ASCC3: variants seen among roughly 807,000 people sequenced by gnomAD.
The protein encoded by ASCC3 is ASC-1 complex subunit P200.
In ASCC3, 158 loss-of-function variants were observed where a neutral mutation model predicts 256.3. The ratio of observed to expected loss-of-function variants is 0.62; its 90% CI spans 0.54 to 0.70. ASCC3 has a LOEUF of 0.70. ASCC3 is among the 30% of genes least tolerant of loss of function. The pLI is 0.00. For missense variants in ASCC3, 2,259 were observed against 2,626.0 expected, an observed-to-expected ratio of 0.86 and a Z score of 3.05; for synonymous variants, 948 against 883.4, an observed-to-expected ratio of 1.07 and a Z score of -1.30.
chr6:100,868,833 C>T (rs1434771405), intron 1 of ASCC3, among the ~76,000 whole-genome samples: 1 of 152,156 alleles, frequency 6.6e-6, no homozygotes, highest in African/African-American at 2.4e-5. Flanking sequence ...GGGGGAAGAA[C>T]ATACCGGGAA....
At chr6:100,612,748 A>G (rs946420910) in intron 30 of ASCC3, among the ~76,000 whole-genome samples, 1 of 152,174 alleles carries the variant, frequency 6.6e-6, no homozygotes, top group African/African-American at 2.4e-5. Context: ...TACACTAATA[A>G]AAAAGAATTC....
In ASCC3 at chr6:100,676,928, C is replaced by T. The variant is rs567034416; in HGVS notation, c.2286+2690G>A. 2.3e-3 allele frequency among the ~76,000 whole-genome samples: 356 copies of T among 152,256 alleles called. 2 individuals are homozygous for T. Among genetic ancestry groups the T allele is most frequent in the Middle Eastern group, 3.4e-3 (1 of 294 alleles). ...CATTAAACACTTAGGGGTAAGGCAT[C>T]ACTGTGGCATGGTAGGGATTTAGCC... is the stretch of plus-strand genomic sequence containing the variant. On this transcript the variant is annotated intron_variant, in intron 14 of 41. Transcript: ENST00000369162.
At chr6:100,547,080 C>A (rs1272964730) in intron 36 of ASCC3, among the ~76,000 whole-genome samples, 1 of 151,974 alleles carries the variant, frequency 6.6e-6, no homozygotes, top group African/African-American at 2.4e-5. Flanking sequence ...CCCACATATA[C>A]AAGGGCAACT....
At position 100,508,448 on chromosome 6, in the gene ASCC3, G is replaced by A. The variant is rs1332105704; in HGVS notation, c.*938C>T. On this transcript the variant is annotated 3_prime_UTR_variant, in exon 42 of 42. Transcript: ENST00000369162. ...AAAAGTATTTTTCAAGAAGGAATTT[G>A]TTTGGACATAGAGAAATTTTCTTTA... The A allele has an allele frequency of 6.6e-6, 1 of 152,076 alleles. No individual in the cohort carries two copies. Among genetic ancestry groups the A allele is most frequent in the East Asian group, 1.9e-4 (1 of 5,190 alleles). 9.4% of individuals were successfully genotyped at this position (152,076 alleles called of 1,614,324 possible). A position where few individuals can be genotyped will look rare whatever the true frequency, so the allele number is the denominator to read the frequency against.
chr6:100,833,512 T>C (rs1369076564), intron 4 of ASCC3, among the ~76,000 whole-genome samples: 1 of 152,164 alleles, frequency 6.6e-6, no homozygotes, highest in Non-Finnish European at 1.5e-5. Context: ...TCATAACAAA[T>C]GTACTACCCT....
intron 33 of ASCC3, among the ~76,000 whole-genome samples, chr6:100,602,235 G>C (rs1330129161): frequency 1.3e-5 from 2 of 151,842 alleles, no homozygotes; most frequent in Non-Finnish European, 2.9e-5. Flanking sequence ...TTCTTTTAAA[G>C]AAGTATGTTA....
chr6:100,515,965 T>A (rs1774004274), intron 39 of ASCC3, among the ~76,000 whole-genome samples: 1 of 152,188 alleles, frequency 6.6e-6, no homozygotes, highest in Non-Finnish European at 1.5e-5. Flanking sequence ...TGTCAAGAAC[T>A]GTATAAAGCA....
chr6:100,662,189 C>T (rs540549081), intron 15 of ASCC3, among the ~76,000 whole-genome samples, 156 bp downstream of exon 15: 7 of 151,960 alleles, frequency 4.6e-5, no homozygotes, highest in African/African-American at 1.7e-4. Context: ...ACAATATAAA[C>T]TAGATTCTTA....
At chr6:100,541,904 G>A (rs1775482090) in intron 36 of ASCC3, among the ~76,000 whole-genome samples, 1 of 152,102 alleles carries the variant, frequency 6.6e-6, no homozygotes, top group Non-Finnish European at 1.5e-5. Context: ...AAATTACAAT[G>A]TCTGAGATGA....
At chr6:100,606,707 C>G in intron 32 of ASCC3, 33 bp downstream of exon 32, 1 of 1,575,794 alleles carries the variant, frequency 6.3e-7, no homozygotes, top group Non-Finnish European at 8.6e-7. Flanking sequence ...TAAAATAGAG[C>G]TTCATGTATT....
chr6:100,726,236 G>A lies in ASCC3; in HGVS notation c.1738-533C>T, dbSNP rs186429788. Among the ~76,000 whole-genome samples the A allele has an allele frequency of 1.5e-3, 233 of 151,902 alleles. 1 individual carries two copies. Among genetic ancestry groups the A allele is most frequent in the African/African-American group, 5.4e-3 (226 of 41,490 alleles). On this transcript the variant is annotated intron_variant, in intron 10 of 41. Coordinates refer to ENST00000369162, the MANE Select transcript of ASCC3 (RefSeq NM_006828.4). ...TCATTGAAAAACATGCCCATATGTT[G>A]TAAAACAAAAAGACACCATAATTCT...
At position 100,599,601 on chromosome 6, in the gene ASCC3, G is replaced by A. The variant is rs76423208; in HGVS notation, c.5303+2209C>T. Among the ~76,000 whole-genome samples the A allele has an allele frequency of 8.8e-3, 1,337 of 151,742 alleles. 47 individuals are homozygous for A. In the East Asian group the frequency reaches 0.097, roughly 11 times the overall value. On this transcript the variant is annotated intron_variant, in intron 34 of 41. Coordinates refer to ENST00000369162, the MANE Select transcript of ASCC3 (RefSeq NM_006828.4). ...AGATGTTAACATGGGGAAGCTGGGT[G>A]AAGGGTATACAGTGCTGCTTTGTAC...
intron 10 of ASCC3, among the ~76,000 whole-genome samples, chr6:100,764,217 C>G (rs934283225): frequency 1.3e-5 from 2 of 152,132 alleles, no homozygotes; most frequent in African/African-American, 4.8e-5. Flanking sequence ...GGTCCAAAAG[C>G]ACAGACTTTG....
intron 8 of ASCC3, among the ~76,000 whole-genome samples, chr6:100,788,834 C>T (rs747759727): frequency 1.3e-5 from 2 of 151,832 alleles, no homozygotes; most frequent in Non-Finnish European, 2.9e-5. Context: ...ATAAACAGAC[C>T]AGTGGTCTGC....
In ASCC3 at chr6:100,827,601, C is replaced by T. The variant is rs531721765; in HGVS notation, c.801+20547G>A. Among the ~76,000 whole-genome samples, 49 of 152,184 alleles carry T rather than the reference C, an allele frequency of 3.2e-4. 2 individuals are homozygous for T. The South Asian group carries it at 1.0e-2, about 31-fold the overall frequency. Reference sequence around the variant, plus strand: ...CTAATGAAGGATATCTCAGCTGCTTCCAAGTTTTGGCAATTAAGTCTTTTT... The same window carrying T: ...CTAATGAAGGATATCTCAGCTGCTTTCAAGTTTTGGCAATTAAGTCTTTTT... On this transcript the variant is annotated intron_variant, in intron 4 of 41. Transcript: ENST00000369162.
intron 10 of ASCC3, among the ~76,000 whole-genome samples, chr6:100,732,417 C>T (rs565370215): frequency 3.3e-5 from 5 of 152,152 alleles, no homozygotes; most frequent in African/African-American, 1.2e-4. Flanking sequence ...GAATCTAAAA[C>T]CTTATCAACA....
chr6:100,803,838 T>C (rs958446284), intron 5 of ASCC3, among the ~76,000 whole-genome samples: 2 of 152,042 alleles, frequency 1.3e-5, no homozygotes, highest in African/African-American at 2.4e-5. Flanking sequence ...TGTAAGAAAA[T>C]GAGGACGTAA....
intron 36 of ASCC3, among the ~76,000 whole-genome samples, chr6:100,573,844 C>A (rs1195926235): frequency 2.0e-5 from 3 of 152,024 alleles, no homozygotes; most frequent in Non-Finnish European, 4.4e-5. Context: ...CTTATATAAA[C>A]CCAATAAAGA....
At chr6:100,587,611 T>C (rs767775874) in intron 36 of ASCC3, among the ~76,000 whole-genome samples, 30 of 152,298 alleles carry the variant, frequency 2.0e-4, no homozygotes, top group South Asian at 2.1e-4. Context: ...GAAGAAGATA[T>C]TCTTGCTGTG....
Sources: allele counts gnomAD v4.1 joint callset (sites outside exome capture counted in the v4.1 genomes callset), GRCh38; gene constraint gnomAD v4.1.1; transcripts MANE v1.5; gene names NCBI Gene and HGNC (gene_info 2026-07-23, HGNC 2026-07-21).